Variants in DLEC1 observed in about 807,000 individuals in gnomAD.
DLEC1 encodes the protein deleted in lung and esophageal cancer protein 1.
Under a neutral mutation model 198.1 loss-of-function variants are expected in DLEC1, and 146 were observed. The observed-to-expected ratio is 0.74, with a 90% CI of 0.64 to 0.85. The LOEUF (loss-of-function observed/expected upper bound fraction) is 0.85, where lower values mean the gene tolerates loss of function less well. Ranked by LOEUF, DLEC1 falls within the 40% of genes least tolerant of loss-of-function variation. The pLI, the probability that DLEC1 is intolerant of heterozygous loss-of-function variation, is 0.00. For missense variants in DLEC1, 2,233 were observed against 2,220.0 expected (o/e 1.01, Z -0.12); for synonymous variants, 897 against 866.8 (o/e 1.03, Z -0.61).
At chr3:38,077,752 A>G (rs1160006068) in intron 6 of DLEC1, among the ~76,000 whole-genome samples, 8 of 152,188 alleles carry the variant, frequency 5.3e-5, no homozygotes, top group Non-Finnish European at 8.8e-5. Context: ...GAGGTATTTT[A>G]GTTATCTGAC....
At chr3:38,121,221 G>A (rs1207115863) in intron 34 of DLEC1, among the ~76,000 whole-genome samples, 1 of 152,240 alleles carries the variant, frequency 6.6e-6, no homozygotes, top group Non-Finnish European at 1.5e-5. Flanking sequence ...GTGTGATGCA[G>A]GGGCTGCCAG....
intron 2 of DLEC1, among the ~76,000 whole-genome samples, chr3:38,049,306 C>T (rs1330514503): frequency 6.6e-6 from 1 of 152,152 alleles, no homozygotes; most frequent in African/African-American, 2.4e-5. Flanking sequence ...GGTGTGTCTG[C>T]TTCTCAGAGA....
At chr3:38,092,678 C>G in intron 10 of DLEC1, 112 bp from the exon 11 acceptor site, 1 of 971,586 alleles carries the variant, frequency 1.0e-6, no homozygotes, top group Non-Finnish European at 1.6e-6. Flanking sequence ...GGGAGGGGAA[C>G]AGAGAGTGAA....
At chr3:38,106,842 C>T (rs60857820) in intron 19 of DLEC1, among the ~76,000 whole-genome samples, 1 of 145,894 alleles carries the variant, frequency 6.9e-6, no homozygotes, top group Admixed American at 6.8e-5. Context: ...TTTACTTAAA[C>T]TTAACTGATT....
In DLEC1 at chr3:38,039,661, T is replaced by G; in HGVS notation, c.411+25T>G. 1.9e-6 allele frequency: 3 copies of G among 1,576,966 alleles called. No individual in the cohort carries two copies. In the South Asian group the frequency reaches 3.5e-5, roughly 18 times the overall value. On this transcript the variant is annotated intron_variant, in intron 1 of 36. Coordinates refer to ENST00000308059, the MANE Select transcript of DLEC1 (RefSeq NM_007335.4). ...GGTAACGTGGCGGTGGCGTCGCGTC[T>G]GCGGACGGTGCCGGGGTCTCAGCGC...
intron 1 of DLEC1, 53 bp downstream of exon 1, chr3:38,039,689 G>T: frequency 6.5e-7 from 1 of 1,539,524 alleles, no homozygotes; most frequent in South Asian, 1.2e-5. Context: ...CTCAGCGCTC[G>T]GCACGCGTCA....
intron 6 of DLEC1, among the ~76,000 whole-genome samples, chr3:38,077,627 G>A (rs547405595): frequency 1.6e-4 from 24 of 152,294 alleles, no homozygotes; most frequent in African/African-American, 5.8e-4. Flanking sequence ...ATAGAGGTGG[G>A]AAGGCTAAAC....
chr3:38,083,111 C>T lies in DLEC1; in HGVS notation c.1174-1047C>T, dbSNP rs147171999. ...AAGAGAGTAAAAAGAGGCCGCTTACCGGATTTGAAATTGGTGAGATGTTTC... is the reference window on the plus strand; with the variant it reads ...AAGAGAGTAAAAAGAGGCCGCTTACTGGATTTGAAATTGGTGAGATGTTTC... On this transcript the variant is annotated intron_variant, in intron 6 of 36. Transcript: ENST00000308059. Among the ~76,000 whole-genome samples the T allele has an allele frequency of 4.9e-3, 737 of 151,524 alleles. 8 individuals carry two copies. The highest frequency in any genetic ancestry group is 0.016 in the African/African-American group (660 of 41,130).
intron 18 of DLEC1, 65 bp from the exon 19 acceptor site, chr3:38,100,220 GC>G: frequency 6.6e-7 from 1 of 1,510,672 alleles, no homozygotes; most frequent in Non-Finnish European, 8.9e-7. Context: ...GGCATGGCCA[GC>G]CCCCAGTTCC....
At chr3:38,053,573 G>A (rs908075306) in intron 2 of DLEC1, among the ~76,000 whole-genome samples, 1 of 145,050 alleles carries the variant, frequency 6.9e-6, no homozygotes, top group Non-Finnish European at 1.5e-5. Flanking sequence ...CGTCCGGGAG[G>A]TGGGGGGCAG....
intron 33 of DLEC1, among the ~76,000 whole-genome samples, chr3:38,118,288 G>T (rs1036828428): frequency 4.6e-5 from 7 of 152,152 alleles, no homozygotes; most frequent in Non-Finnish European, 8.8e-5. Flanking sequence ...AATGTCCCCA[G>T]ACTTCCCTTT....
At position 38,058,524 on chromosome 3, in the gene DLEC1, T is replaced by C. The variant is rs112058534; in HGVS notation, c.563-1218T>C. ...ATTGACAAGTGATAATAAAACTGTA[T>C]AAAAGCTGAAAAAGTCTTATATTCT... On this transcript the variant is annotated intron_variant, in intron 2 of 36. Transcript: ENST00000308059. Among the ~76,000 whole-genome samples the C allele has an allele frequency of 8.4e-3, 1,278 of 152,312 alleles. 25 individuals are homozygous for C. The highest frequency in any genetic ancestry group is 0.03 in the African/African-American group (1,230 of 41,554).
intron 2 of DLEC1, among the ~76,000 whole-genome samples, chr3:38,053,978 A>G (rs1322466897): frequency 6.6e-6 from 1 of 152,110 alleles, no homozygotes; most frequent in Non-Finnish European, 1.5e-5. Flanking sequence ...GCTTTGTTAA[A>G]CAGATGCTTG....
At chr3:38,045,783 T>G in intron 2 of DLEC1, 90 bp downstream of exon 2, 4 of 1,351,136 alleles carry the variant, frequency 3.0e-6, no homozygotes, top group Non-Finnish European at 4.0e-6. Flanking sequence ...TCTAGGCTTT[T>G]TCTGGATATT....
Position 38,086,396 on chromosome 3 carries a change from C to A in DLEC1, c.1572+19C>A. 6.3e-7 allele frequency: 1 copy of A among 1,585,938 alleles called. No homozygotes were observed. Among genetic ancestry groups the A allele is most frequent in the South Asian group, 1.2e-5 (1 of 86,608 alleles). On this transcript the variant is annotated intron_variant, in intron 9 of 36. Transcript: ENST00000308059. Reference sequence around the variant, plus strand: ...TTTCAAGGTGAGTGATCACAGGTTGCTAACTGGAAAAATTACAAGTCCATC... The same window carrying A: ...TTTCAAGGTGAGTGATCACAGGTTGATAACTGGAAAAATTACAAGTCCATC...
intron 33 of DLEC1, among the ~76,000 whole-genome samples, chr3:38,118,795 C>T (rs957254753): frequency 6.6e-6 from 1 of 152,126 alleles, no homozygotes; most frequent in Non-Finnish European, 1.5e-5. Flanking sequence ...TAGCCTCACT[C>T]TGCACATTTC....
chr3:38,050,379 G>C (rs961937517), intron 2 of DLEC1, among the ~76,000 whole-genome samples: 2 of 152,174 alleles, frequency 1.3e-5, no homozygotes. Context: ...TGCTGTAAAG[G>C]AATACCTGAG....
chr3:38,082,100 C>T (rs1258520061), intron 6 of DLEC1, among the ~76,000 whole-genome samples: 4 of 148,720 alleles, frequency 2.7e-5, no homozygotes, highest in African/African-American at 1.0e-4. Context: ...GGCAGAGACC[C>T]TCCTCACCTC....
intron 6 of DLEC1, among the ~76,000 whole-genome samples, chr3:38,073,299 C>T (rs371703274): frequency 6.8e-4 from 104 of 152,268 alleles, no homozygotes; most frequent in African/African-American, 2.4e-3. Flanking sequence ...GGTTTTTGGA[C>T]AGGTAAAGTG....
Sources: gnomAD v4.1 joint callset for allele counts (sites outside exome capture counted in the v4.1 genomes callset) on GRCh38, gnomAD v4.1.1 for gene constraint, MANE v1.5 for transcripts, NCBI Gene and HGNC (gene_info 2026-07-23, HGNC 2026-07-21) for gene names.